The following SETDB1 variants were observed in gnomAD, a reference collection of about 807,000 sequenced individuals.
SETDB1 encodes histone-lysine N-methyltransferase SETDB1.
SETDB1 carries 31 observed loss-of-function variants against 137.4 expected under a neutral mutation model. That is an observed-to-expected ratio of 0.23 (90% confidence interval 0.17 to 0.30). The LOEUF (loss-of-function observed/expected upper bound fraction) is 0.30, where lower values mean the gene tolerates loss of function less well. Among genes scored for constraint, SETDB1 ranks in the 10% least tolerant of loss-of-function variants. The pLI, the probability that SETDB1 is intolerant of heterozygous loss-of-function variation, is 1.00. For synonymous variants in SETDB1, 548 were observed against 579.9 expected, an observed-to-expected ratio of 0.95 and a Z score of 0.79; for missense variants, 1,113 against 1,631.5, an observed-to-expected ratio of 0.68 and a Z score of 5.47.
chr1:150,962,612 G>T lies in SETDB1; in HGVS notation c.3187G>T (p.Gly1063Cys). ...AGTTACTGAAAGCTCTCGAAATTAC[G>T]GTTACAATCCTTCTCCTGTGAAGCC... The part of the protein sequence containing the change: ...SVVTESSRNY[G>C]YNPSPVKPEG... The change falls in exon 18 of 22, where the codon GGT becomes TGT. Residue 1063 changes from glycine to cysteine, a missense_variant. Coordinates refer to ENST00000692827, the MANE Select transcript of SETDB1 (RefSeq NM_001366418.1). 1.2e-6 allele frequency: 2 copies of T among 1,613,912 alleles called. No homozygotes were observed. The highest frequency in any genetic ancestry group is 8.5e-7 in the Non-Finnish European group (1 of 1,179,914).
chr1:150,956,091 CAA>C (rs3975893), intron 14 of SETDB1, among the ~76,000 whole-genome samples: 15 of 101,170 alleles, frequency 1.5e-4, no homozygotes, highest in African/African-American at 1.6e-4. Context: ...GACTTCGTCT[CAA>C]AAAAAAAAAA....
intron 13 of SETDB1, 68 bp downstream of exon 13, chr1:150,951,158 T>A: frequency 6.7e-7 from 1 of 1,503,384 alleles, no homozygotes; most frequent in Non-Finnish European, 9.1e-7. Flanking sequence ...CACCTCTTCC[T>A]TTGCCTTGTA....
rs900915733 is a variant in SETDB1 at position 150,952,062 on chromosome 1, C to T, written c.2333+581C>T. Among the ~76,000 whole-genome samples, 5 of 151,758 alleles carry T rather than the reference C, an allele frequency of 3.3e-5. No individual in the cohort carries two copies. In the South Asian group the frequency reaches 8.3e-4, roughly 25 times the overall value. On this transcript the variant is annotated intron_variant, in intron 14 of 21. Transcript: ENST00000692827. Reference sequence around the variant, plus strand: ...ACTTGGGAGGCTGAGGCAGGAGAATCGCTTGAATCCAGGAGGCAGAGGTTG... The same window carrying T: ...ACTTGGGAGGCTGAGGCAGGAGAATTGCTTGAATCCAGGAGGCAGAGGTTG...
chr1:150,961,236 G>T, intron 16 of SETDB1, 45 bp downstream of exon 16: 2 of 1,589,676 alleles, frequency 1.3e-6, no homozygotes, highest in African/African-American at 1.3e-5. Flanking sequence ...TTTAACTTTG[G>T]TGCAGTAACA....
rs1012951993 is a variant in SETDB1, at chr1:150,956,747, C to CT, written c.2334-2419dup. Among the ~76,000 whole-genome samples the CT allele has an allele frequency of 2.9e-3, 415 of 144,272 alleles. 1 individual carries two copies. Among genetic ancestry groups the CT allele is most frequent in the Middle Eastern group, 7.1e-3 (2 of 280 alleles). The allele number at this position is 144,272 out of a possible 152,430, so 94.6% of individuals were successfully genotyped here. A position where few individuals can be genotyped will look rare whatever the true frequency, so the allele number is the denominator to read the frequency against. On this transcript the variant is annotated intron_variant, in intron 14 of 21. Coordinates refer to ENST00000692827, the MANE Select transcript of SETDB1 (RefSeq NM_001366418.1). ...CACTAGACCACCAGGGAAATAATCTCTTTTTTTTTTTTGCTATGGAGTCTT... is the reference window on the plus strand; with the variant it reads ...CACTAGACCACCAGGGAAATAATCTCTTTTTTTTTTTTTGCTATGGAGTCTT...
intron 14 of SETDB1, among the ~76,000 whole-genome samples, chr1:150,958,124 T>C (rs1385745176): frequency 6.7e-6 from 1 of 149,520 alleles, no homozygotes; most frequent in Admixed American, 6.7e-5. Context: ...AGGTGGAGGT[T>C]GTGAGCTGAG....
rs1318204330 is a variant in SETDB1, at chr1:150,946,869, T to C, written c.1141-17T>C. The C allele has an allele frequency of 6.2e-7, 1 of 1,613,834 alleles. No individual in the cohort carries two copies. The highest frequency in any genetic ancestry group is 2.2e-5 in the East Asian group (1 of 44,876). On this transcript the variant is annotated splice_polypyrimidine_tract_variant and intron_variant, in intron 9 of 21. Coordinates refer to ENST00000692827, the MANE Select transcript of SETDB1 (RefSeq NM_001366418.1). ...CTTTAAGCTATTTCCCTTCATTCTTTTCTCTCAATTCCCCAGGATGACAAA... is the reference window on the plus strand; with the variant it reads ...CTTTAAGCTATTTCCCTTCATTCTTCTCTCTCAATTCCCCAGGATGACAAA...
At chr1:150,959,423 TA>T in intron 15 of SETDB1, 76 bp downstream of exon 15, 1 of 1,291,678 alleles carries the variant, frequency 7.7e-7, no homozygotes, top group Non-Finnish European at 1.1e-6. Flanking sequence ...AAATTGAACA[TA>T]AGAAGAAAGT....
At chr1:150,959,527 A>AC (rs1350291929) in intron 15 of SETDB1, among the ~76,000 whole-genome samples, 180 bp downstream of exon 15, 1 of 152,210 alleles carries the variant, frequency 6.6e-6, no homozygotes, top group African/African-American at 2.4e-5. Flanking sequence ...AGAGAGGGAC[A>AC]CAAGTGTTTC....
intron 9 of SETDB1, among the ~76,000 whole-genome samples, chr1:150,946,462 G>C (rs1048893443): frequency 5.3e-5 from 8 of 150,394 alleles, no homozygotes; most frequent in Non-Finnish European, 8.9e-5. Context: ...ATTTTTTTTT[G>C]GGGGGGATGG....
At chr1:150,959,807 C>T (rs1168276458) in intron 15 of SETDB1, among the ~76,000 whole-genome samples, 2 of 152,204 alleles carry the variant, frequency 1.3e-5, no homozygotes, top group East Asian at 1.9e-4. Context: ...CGTGGTGGCT[C>T]ATGCCTGTAA....
At chr1:150,963,809 T>C (rs1670901074) in intron 20 of SETDB1, 68 bp downstream of exon 20, 1 of 1,474,516 alleles carries the variant, frequency 6.8e-7, no homozygotes, top group Middle Eastern at 1.7e-4. Flanking sequence ...TTTAACATAC[T>C]CTATAAGCCC....
chr1:150,953,946 C>G (rs1043240481), intron 14 of SETDB1, among the ~76,000 whole-genome samples: 1 of 151,888 alleles, frequency 6.6e-6, no homozygotes, highest in Admixed American at 6.6e-5. Context: ...GCTCCGCCTT[C>G]CGGGTTCACG....
intron 2 of SETDB1, 65 bp from the exon 3 acceptor site, chr1:150,929,902 A>G (rs1571620743): frequency 1.5e-6 from 2 of 1,351,958 alleles, no homozygotes; most frequent in Middle Eastern, 2.2e-4. Context: ...ATACATCGTA[A>G]TGGATTCTAT....
At chr1:150,949,959 C>A (rs1177180218) in intron 12 of SETDB1, among the ~76,000 whole-genome samples, 1 of 152,096 alleles carries the variant, frequency 6.6e-6, no homozygotes, top group Non-Finnish European at 1.5e-5. Flanking sequence ...TTAGGCCGGG[C>A]GCGGTGGCTC....
At position 150,959,141 on chromosome 1, in the gene SETDB1, T is replaced by A. The variant is rs765913463; in HGVS notation, c.2334-37T>A. The A allele has an allele frequency of 1.9e-5, 28 of 1,470,352 alleles. 1 individual carries two copies. The Middle Eastern group carries it at 7.1e-4, about 37-fold the overall frequency. The allele number at this position is 1,470,352 out of a possible 1,614,324, so 91.1% of individuals were successfully genotyped here. ...TATGGATTTTTTTGTGCTCTAGTGA[T>A]CATACCGTGATTGATTTTATTCTAA... On this transcript the variant is annotated intron_variant, in intron 14 of 21. Transcript: ENST00000692827.
At position 150,933,767 on chromosome 1, in the gene SETDB1, C is replaced by CTTTTTTTTTTTTTTTTTTTTT. The variant is rs1225714666; in HGVS notation, c.412+3654_412+3655insTTTTTTTTTTTTTTTTTTTTT. On this transcript the variant is annotated intron_variant, in intron 3 of 21. Coordinates refer to ENST00000692827, the MANE Select transcript of SETDB1 (RefSeq NM_001366418.1). ...GATTTTTCTTTTTCTTTTTCTTTTTCTTTTTCTTTTTCTTTTTTTTTTTTT... is the reference window on the plus strand; with the variant it reads ...GATTTTTCTTTTTCTTTTTCTTTTTCTTTTTTTTTTTTTTTTTTTTTTTTTTCTTTTTCTTTTTTTTTTTTT... 1.7e-5 allele frequency among the ~76,000 whole-genome samples: 2 copies of CTTTTTTTTTTTTTTTTTTTTT among 116,820 alleles called. 1 individual carries two copies. Among genetic ancestry groups the CTTTTTTTTTTTTTTTTTTTTT allele is most frequent in the Non-Finnish European group, 3.6e-5 (2 of 56,036 alleles). The allele number at this position is 116,820 out of a possible 152,430, so 76.6% of individuals were successfully genotyped here.
rs763576853 is a variant in SETDB1 at position 150,964,358 on chromosome 1, T to C, written c.3873T>C (p.Leu1291=). The change falls in exon 22 of 22, where the codon CTT becomes CTC. Residue 1291 remains leucine, a synonymous_variant. Transcript: ENST00000692827. ...CCGAIECRGR[L]L ...GGGCCATTGAATGCAGAGGACGTCT[T>C]CTTTAGAGGACAGCCTTCTTCCCAA... 3.7e-6 allele frequency: 6 copies of C among 1,609,492 alleles called. No homozygotes were observed. The highest frequency in any genetic ancestry group is 3.3e-4 in the Middle Eastern group (2 of 6,060).
rs745458267 is a variant in SETDB1 at position 150,963,521 on chromosome 1, C to G, written c.3461-9C>G. 2.5e-6 allele frequency: 4 copies of G among 1,604,756 alleles called. No individual in the cohort carries two copies. In the South Asian group the frequency reaches 4.5e-5, roughly 18 times the overall value. ...GATGGGTCCTGACCCCATTCTCCCT[C>G]CTGTCCAGGTCCAATGAAGCGTCAA... On this transcript the variant is annotated splice_polypyrimidine_tract_variant and intron_variant, in intron 19 of 21. Coordinates refer to ENST00000692827, the MANE Select transcript of SETDB1 (RefSeq NM_001366418.1).
Sources: allele counts gnomAD v4.1 joint callset (sites outside exome capture counted in the v4.1 genomes callset), GRCh38; gene constraint gnomAD v4.1.1; transcripts MANE v1.5; gene names NCBI Gene and HGNC (gene_info 2026-07-23, HGNC 2026-07-21).